CSNK1E: variants seen among roughly 807,000 people sequenced by gnomAD.
The protein encoded by CSNK1E is casein kinase I isoform epsilon.
Under a neutral mutation model 46.1 loss-of-function variants are expected in CSNK1E, and 17 were observed. The observed-to-expected ratio is 0.37, with a 90% confidence interval of 0.25 to 0.55. The LOEUF is 0.55. Among genes scored for constraint, CSNK1E ranks in the 20% least tolerant of loss-of-function variants. The probability of loss-of-function intolerance (pLI) is 0.82; values close to 1 mark genes in which losing one functional copy is unlikely to be tolerated. For missense variants in CSNK1E, 386 were observed against 595.4 expected, an observed-to-expected ratio of 0.65 and a Z score of 3.66; for synonymous variants, 241 against 242.6, an observed-to-expected ratio of 0.99 and a Z score of 0.06.
In CSNK1E at chr22:38,293,232, A is replaced by C. The variant is rs1049407389; in HGVS notation, c.*32+23T>G. ...CTTCTAGGTCGGCTGGGCTGGCTGC[A>C]TCTGCAGCAGTCATGGACTCACCTA... On this transcript the variant is annotated intron_variant, in intron 10 of 10. Coordinates refer to ENST00000396832, the MANE Select transcript of CSNK1E (RefSeq NM_152221.3). 2.4e-5 allele frequency: 38 copies of C among 1,603,834 alleles called. No individual in the cohort carries two copies. In the South Asian group the frequency reaches 4.0e-4, roughly 17 times the overall value.
At chr22:38,305,253 G>A (rs1026093532) in intron 2 of CSNK1E, among the ~76,000 whole-genome samples, 9 of 151,974 alleles carry the variant, frequency 5.9e-5, no homozygotes, top group South Asian at 4.1e-4. Flanking sequence ...AATGTCAGAC[G>A]GTGGTTCCCA....
rs563819207 is a variant in CSNK1E at position 38,296,923 on chromosome 22, C to T, written c.885+1863G>A. 1.9e-4 allele frequency: 114 copies of T among 610,832 alleles called. No homozygotes were observed. The East Asian group carries it at 2.3e-3, about 12-fold the overall frequency. The allele number at this position is 610,832 out of a possible 1,614,324, so 37.8% of individuals were successfully genotyped here. A position where few individuals can be genotyped will look rare whatever the true frequency, so the allele number is the denominator to read the frequency against. On this transcript the variant is annotated intron_variant, in intron 7 of 10. Coordinates refer to ENST00000396832, the MANE Select transcript of CSNK1E (RefSeq NM_152221.3). Reference sequence around the variant, plus strand: ...CCAAGCAGCTGGGATTACAGGAACACACCACCATGCCCAGCTAATTTTTGT... The same window carrying T: ...CCAAGCAGCTGGGATTACAGGAACATACCACCATGCCCAGCTAATTTTTGT...
intron 2 of CSNK1E, among the ~76,000 whole-genome samples, chr22:38,311,715 A>G (rs2092721674): frequency 6.6e-6 from 1 of 152,068 alleles, no homozygotes; most frequent in African/African-American, 2.4e-5. Context: ...TCAGAATGAT[A>G]TGGTGACTTA....
upstream of CSNK1E, chr22:38,317,860 G>A (rs1189111536): frequency 6.6e-6 from 1 of 152,272 alleles, no homozygotes; most frequent in Non-Finnish European, 1.5e-5. Context: ...GACTGCTGGA[G>A]GCTCAGTCCG....
chr22:38,313,121 C>A lies in CSNK1E; in HGVS notation c.76+961G>T, dbSNP rs147846464. ...TAGCACATTTCATACTCCAAGGAACCCTAACCATGGGGTAACAGAAACCCC... is the reference window on the plus strand; with the variant it reads ...TAGCACATTTCATACTCCAAGGAACACTAACCATGGGGTAACAGAAACCCC... On this transcript the variant is annotated intron_variant, in intron 2 of 10. Transcript: ENST00000396832. 2.6e-3 allele frequency among the ~76,000 whole-genome samples: 395 copies of A among 152,294 alleles called. 3 individuals are homozygous for A. The highest frequency in any genetic ancestry group is 9.2e-3 in the African/African-American group (384 of 41,552).
chr22:38,293,933 G>C (rs1418493690), intron 9 of CSNK1E, 176 bp downstream of exon 9: 2 of 715,760 alleles, frequency 2.8e-6, no homozygotes, highest in Non-Finnish European at 4.5e-6. Context: ...TGCTCAAGAG[G>C]GCTCATCAGA....
At chr22:38,302,777 C>G in intron 4 of CSNK1E, 84 bp downstream of exon 4, 1 of 1,539,720 alleles carries the variant, frequency 6.5e-7, no homozygotes, top group Non-Finnish European at 8.9e-7. Context: ...GGCCCATCCT[C>G]TGGCATCCTC....
At position 38,298,438 on chromosome 22, in the gene CSNK1E, G is replaced by A. The variant is rs145708195; in HGVS notation, c.885+348C>T. On this transcript the variant is annotated intron_variant, in intron 7 of 10. Transcript: ENST00000396832. The surrounding 1 kb of genome is among the most constrained non-coding windows in gnomAD (Gnocchi z 4.2). The stretch of plus-strand genomic sequence containing the variant: ...TGCAGGTAGCCACCTGGGATGTGCA[G>A]AACAGGAGCAGCAGGACGGTGTAGG... 2 of 372,468 alleles carry A rather than the reference G, an allele frequency of 5.4e-6. No individual in the cohort carries two copies. The highest frequency in any genetic ancestry group is 1.0e-5 in the Non-Finnish European group (2 of 192,686). 23.1% of individuals were successfully genotyped at this position (372,468 alleles called of 1,614,324 possible). A position where few individuals can be genotyped will look rare whatever the true frequency, so the allele number is the denominator to read the frequency against.
At chr22:38,292,979 C>T (rs920489428) in intron 10 of CSNK1E, 2 of 481,468 alleles carry the variant, frequency 4.2e-6, no homozygotes, top group African/African-American at 4.0e-5. Context: ...TATGTTAAGG[C>T]AGAAGGAGAT....
chr22:38,301,709 C>T (rs2145837267), intron 4 of CSNK1E, among the ~76,000 whole-genome samples: 1 of 152,314 alleles, frequency 6.6e-6, no homozygotes, highest in East Asian at 1.9e-4. Flanking sequence ...GCTGGGATTA[C>T]AGACTTGAGC....
chr22:38,307,443 CAGGAGGCTGAGGT>C, intron 2 of CSNK1E, among the ~76,000 whole-genome samples: 1 of 151,972 alleles, frequency 6.6e-6, no homozygotes, highest in East Asian at 2.0e-4. Context: ...TCCCAGCTCT[CAGGAGGCTGAGGT>C]AGGAGAATCT....
chr22:38,314,222 G>A, intron 1 of CSNK1E, 53 bp from the exon 2 acceptor site: 1 of 1,459,512 alleles, frequency 6.9e-7, no homozygotes, highest in African/African-American at 1.4e-5. Flanking sequence ...CCGGGAAAGG[G>A]GTCCAGTCCA....
chr22:38,311,420 C>G (rs1416752109), intron 2 of CSNK1E, among the ~76,000 whole-genome samples: 1 of 152,186 alleles, frequency 6.6e-6, no homozygotes, highest in African/African-American at 2.4e-5. Flanking sequence ...CAGGGAGGTC[C>G]CACCACACAA....
chr22:38,298,036 T>C lies in CSNK1E; in HGVS notation c.885+750A>G. The C allele has an allele frequency of 8.5e-7, 1 of 1,174,472 alleles. No homozygotes were observed. Among genetic ancestry groups the C allele is most frequent in the East Asian group, 7.8e-5 (1 of 12,768 alleles). The allele number at this position is 1,174,472 out of a possible 1,614,324, so 72.8% of individuals were successfully genotyped here. On this transcript the variant is annotated intron_variant, in intron 7 of 10. Coordinates refer to ENST00000396832, the MANE Select transcript of CSNK1E (RefSeq NM_152221.3). The surrounding 1 kb of genome is among the most constrained non-coding windows in gnomAD (Gnocchi z 4.2). ...AAAAGCACAGCTGAGGCTCAGCCTCTTGCGCTCACTGGTCAAGTGGCAAAT... is the reference window on the plus strand; with the variant it reads ...AAAAGCACAGCTGAGGCTCAGCCTCCTGCGCTCACTGGTCAAGTGGCAAAT...
At position 38,294,263 on chromosome 22, in the gene CSNK1E, G is replaced by T; in HGVS notation, c.1079-15C>A. On this transcript the variant is annotated splice_polypyrimidine_tract_variant and intron_variant, in intron 8 of 10. Coordinates refer to ENST00000396832, the MANE Select transcript of CSNK1E (RefSeq NM_152221.3). This position sits in a 1 kb window ranked among gnomAD's most constrained non-coding sequence, Gnocchi z 5.5. The stretch of plus-strand genomic sequence containing the variant: ...AGAAGTATTGCCTGGAGGGAGAGTG[G>T]GAAGCCACCCTCAGAGTAGGCACAA... 2 of 1,610,072 alleles carry T rather than the reference G, an allele frequency of 1.2e-6. No homozygotes were observed. Among genetic ancestry groups the T allele is most frequent in the Non-Finnish European group, 1.7e-6 (2 of 1,179,132 alleles).
chr22:38,295,102 AC>A (rs2092633271), intron 7 of CSNK1E, among the ~76,000 whole-genome samples: 1 of 152,122 alleles, frequency 6.6e-6, no homozygotes, highest in Non-Finnish European at 1.5e-5. Context: ...CCCTGCCGGG[AC>A]CTGGCAATGG....
At chr22:38,306,786 A>G (rs973616560) in intron 2 of CSNK1E, among the ~76,000 whole-genome samples, 2 of 152,098 alleles carry the variant, frequency 1.3e-5, no homozygotes, top group Non-Finnish European at 2.9e-5. Flanking sequence ...ATCAGCTGAT[A>G]CCTTCGTATC....
At chr22:38,299,310 A>C (rs1454879315) in intron 6 of CSNK1E, among the ~76,000 whole-genome samples, 1 of 152,222 alleles carries the variant, frequency 6.6e-6, no homozygotes, top group African/African-American at 2.4e-5. Flanking sequence ...GGGACCTTCT[A>C]ACACAACCTA....
chr22:38,293,308 T>C lies in CSNK1E; in HGVS notation c.1230A>G (p.Pro410=), dbSNP rs2092621267. The change falls in exon 10 of 11, where the codon CCA becomes CCG. Residue 410 remains proline (P), a synonymous_variant. Coordinates refer to ENST00000396832, the MANE Select transcript of CSNK1E (RefSeq NM_152221.3). ...SRIPASQTSV[P]FDHLGK is the part of the protein sequence containing the mutation. Reference sequence around the variant, plus strand: ...CTCCTCACTTCCCGAGATGGTCAAATGGCACACTTGTCTTTTGAGGGTGGG... The same window carrying C: ...CTCCTCACTTCCCGAGATGGTCAAACGGCACACTTGTCTTTTGAGGGTGGG... 2 of 1,608,458 alleles carry C rather than the reference T, an allele frequency of 1.2e-6. No individual in the cohort carries two copies. The highest frequency in any genetic ancestry group is 8.5e-7 in the Non-Finnish European group (1 of 1,176,994).
Sources: gnomAD v4.1 joint callset for allele counts (sites outside exome capture counted in the v4.1 genomes callset) on GRCh38, gnomAD v4.1.1 for gene constraint, Gnocchi (gnomAD v3.1) non-coding constraint, MANE v1.5 for transcripts, NCBI Gene and HGNC (gene_info 2026-07-23, HGNC 2026-07-21) for gene names.